The following NOS1AP variants were observed in gnomAD, a reference collection of about 807,000 sequenced individuals.
NOS1AP encodes the protein carboxyl-terminal PDZ ligand of neuronal nitric oxide synthase protein.
Under a neutral mutation model 56.2 loss-of-function variants are expected in NOS1AP, and 21 were observed. That is an observed-to-expected ratio of 0.37 (90% CI 0.26 to 0.54). NOS1AP has a LOEUF of 0.54. Ranked by LOEUF, NOS1AP falls within the 20% of genes least tolerant of loss-of-function variation. NOS1AP has a pLI of 0.84. For synonymous variants in NOS1AP, 270 were observed against 274.6 expected (o/e 0.98, Z 0.17); for missense variants, 522 against 657.8 (o/e 0.79, Z 2.26).
intron 2 of NOS1AP, among the ~76,000 whole-genome samples, chr1:162,194,742 C>CG (rs1188880197): frequency 6.6e-6 from 1 of 152,072 alleles, no homozygotes; most frequent in Non-Finnish European, 1.5e-5. Flanking sequence ...TTGCTTTCCT[C>CG]GGGGGGTTGG....
intron 1 of NOS1AP, among the ~76,000 whole-genome samples, chr1:162,152,501 T>C (rs547578697): frequency 2.0e-5 from 3 of 152,354 alleles, no homozygotes; most frequent in Admixed American, 2.0e-4. Context: ...CGCTGTCTTG[T>C]TGACAGACTG....
rs566762744 is a variant in NOS1AP, at chr1:162,288,074, T to G, written c.270+638T>G. Among the ~76,000 whole-genome samples the G allele has an allele frequency of 1.4e-4, 21 of 152,330 alleles. No homozygotes were observed. In the East Asian group the frequency reaches 3.5e-3, roughly 25 times the overall value. ...AGCATATGTTGTTTAAACACTTGTC[T>G]GTTTTGTGCCAGTTGTATGTGGTTG... On this transcript the variant is annotated intron_variant, in intron 3 of 9. Transcript: ENST00000361897.
At chr1:162,119,678 T>A (rs1289297376) in intron 1 of NOS1AP, among the ~76,000 whole-genome samples, 1 of 152,178 alleles carries the variant, frequency 6.6e-6, no homozygotes, top group African/African-American at 2.4e-5. Flanking sequence ...TATCGTAGTC[T>A]CCCTAATTCT....
intron 2 of NOS1AP, among the ~76,000 whole-genome samples, chr1:162,170,831 C>G (rs1000712957): frequency 6.6e-6 from 1 of 151,676 alleles, no homozygotes; most frequent in East Asian, 1.9e-4. Flanking sequence ...GTCCCACACT[C>G]AAGAGGCTGA....
At chr1:162,276,763 C>T (rs1011311543) in intron 2 of NOS1AP, among the ~76,000 whole-genome samples, 1 of 152,176 alleles carries the variant, frequency 6.6e-6, no homozygotes, top group Non-Finnish European at 1.5e-5. Flanking sequence ...AGATTCCCCT[C>T]CATTCTGGGA....
intron 2 of NOS1AP, among the ~76,000 whole-genome samples, chr1:162,196,420 G>T (rs1248399529): frequency 1.1e-4 from 16 of 152,218 alleles, no homozygotes; most frequent in Admixed American, 6.5e-5. Flanking sequence ...GAGGCCAGAT[G>T]TACAGCAGAG....
chr1:162,203,830 G>A (rs901151274), intron 2 of NOS1AP, among the ~76,000 whole-genome samples: 1 of 152,138 alleles, frequency 6.6e-6, no homozygotes, highest in African/African-American at 2.4e-5. Flanking sequence ...AGAGGATTTG[G>A]TCTTTTTCCT....
At chr1:162,151,960 T>A (rs1220166482) in intron 1 of NOS1AP, among the ~76,000 whole-genome samples, 1 of 151,410 alleles carries the variant, frequency 6.6e-6, no homozygotes, top group African/African-American at 2.4e-5. Flanking sequence ...AGTGAAGGAG[T>A]TACTTGTGGG....
intron 1 of NOS1AP, among the ~76,000 whole-genome samples, chr1:162,115,451 C>A (rs1445984926): frequency 1.3e-5 from 2 of 151,524 alleles, no homozygotes; most frequent in Non-Finnish European, 2.9e-5. Context: ...TCCAGGCCAA[C>A]TGAACTGGGA....
chr1:162,227,021 C>G (rs1652967848), intron 2 of NOS1AP, among the ~76,000 whole-genome samples: 1 of 151,888 alleles, frequency 6.6e-6, no homozygotes, highest in South Asian at 2.1e-4. Flanking sequence ...ATTCATTCTC[C>G]TTTGAGTTGT....
chr1:162,199,924 G>A (rs1651938544), intron 2 of NOS1AP, among the ~76,000 whole-genome samples: 1 of 152,206 alleles, frequency 6.6e-6, no homozygotes, highest in Non-Finnish European at 1.5e-5. Flanking sequence ...CTAGAGTCTA[G>A]AGGACAGCTG....
At chr1:162,128,378 G>A (rs115395517) in intron 1 of NOS1AP, among the ~76,000 whole-genome samples, 2 of 151,832 alleles carry the variant, frequency 1.3e-5, no homozygotes, top group African/African-American at 4.8e-5. Flanking sequence ...TCTATTTTTG[G>A]GGGTATATTA....
At position 162,188,998 on chromosome 1, in the gene NOS1AP, A is replaced by T. The variant is rs1271254023; in HGVS notation, c.177+34522A>T. Among the ~76,000 whole-genome samples the T allele has an allele frequency of 6.6e-6, 1 of 152,184 alleles. No individual in the cohort carries two copies. Among genetic ancestry groups the T allele is most frequent in the Non-Finnish European group, 1.5e-5 (1 of 68,040 alleles). On this transcript the variant is annotated intron_variant, in intron 2 of 9. Coordinates refer to ENST00000361897, the MANE Select transcript of NOS1AP (RefSeq NM_014697.3). The surrounding 1 kb of genome is among the most constrained non-coding windows in gnomAD (Gnocchi z 4.0). ...CTTGAACCCAAGAAGCGGAGGTTGC[A>T]GTGAGCCGAGATTGCACCACTGCAC...
intron 5 of NOS1AP, among the ~76,000 whole-genome samples, chr1:162,338,266 G>A (rs572580312): frequency 6.6e-6 from 1 of 152,180 alleles, no homozygotes; most frequent in South Asian, 2.1e-4. Context: ...GTGGAGGAGG[G>A]GACAGGGGAA....
intron 2 of NOS1AP, among the ~76,000 whole-genome samples, chr1:162,185,480 T>G (rs1651403734): frequency 6.6e-6 from 1 of 152,192 alleles, no homozygotes. Flanking sequence ...CTTGAAGAAC[T>G]CAAGTCTTGA....
chr1:162,270,026 A>C (rs1654537404), intron 2 of NOS1AP, among the ~76,000 whole-genome samples: 1 of 152,220 alleles, frequency 6.6e-6, no homozygotes, highest in Non-Finnish European at 1.5e-5. Flanking sequence ...TGTAATAGCC[A>C]TTATAATAAA....
At chr1:162,251,593 A>AAT (rs954815269) in intron 2 of NOS1AP, among the ~76,000 whole-genome samples, 36 of 119,222 alleles carry the variant, frequency 3.0e-4, no homozygotes, top group Admixed American at 9.1e-4. Flanking sequence ...GTTTATTTAA[A>AAT]ATATATATAT....
chr1:162,101,183 T>C (rs1399461857), intron 1 of NOS1AP, among the ~76,000 whole-genome samples: 1 of 152,226 alleles, frequency 6.6e-6, no homozygotes, highest in Non-Finnish European at 1.5e-5. Context: ...GCACCATTTA[T>C]TAAATAGGGA....
At chr1:162,258,088 C>T (rs1008122172) in intron 2 of NOS1AP, among the ~76,000 whole-genome samples, 2 of 152,040 alleles carry the variant, frequency 1.3e-5, no homozygotes, top group South Asian at 2.1e-4. Flanking sequence ...TTGCTTTTCC[C>T]TGACACTGCA....
Sources: gnomAD v4.1 joint callset for allele counts (sites outside exome capture counted in the v4.1 genomes callset) on GRCh38, gnomAD v4.1.1 for gene constraint, Gnocchi (gnomAD v3.1) non-coding constraint, MANE v1.5 for transcripts, NCBI Gene and HGNC (gene_info 2026-07-23, HGNC 2026-07-21) for gene names.